The following PATE1 variants were observed in gnomAD, a reference collection of about 807,000 sequenced individuals.
PATE1 encodes the protein prostate and testis expressed 1.
In PATE1, 21 loss-of-function variants were observed where a neutral mutation model predicts 13.1. That is an observed-to-expected ratio of 1.61 (90% CI 1.14 to 2.31). The LOEUF is 2.31. Ranked by LOEUF, PATE1 falls within the 30% of genes most tolerant of loss-of-function variation. PATE1 has a pLI of 0.00. For synonymous variants in PATE1, 52 were observed against 47.1 expected (o/e 1.10, Z -0.43); for missense variants, 166 against 147.2 (o/e 1.13, Z -0.66).
At chr11:125,747,436 A>G (rs1356169060) in intron 3 of PATE1, 25 bp downstream of exon 3, 5 of 1,598,592 alleles carry the variant, frequency 3.1e-6, no homozygotes, top group Admixed American at 1.7e-5. Flanking sequence ...GACCTGTCTG[A>G]TCACCTCAGT....
Position 125,746,300 on chromosome 11 carries a change from C to G in PATE1, c.-5C>G. On this transcript the variant is annotated 5_prime_UTR_variant, in exon 1 of 5. Transcript: ENST00000305738. Reference sequence around the variant, plus strand: ...TGCTGTAGCCTGGCCCTCCCTCTTTCCAAAATGGACAAGTCCCTCTTGCTG... The same window carrying G: ...TGCTGTAGCCTGGCCCTCCCTCTTTGCAAAATGGACAAGTCCCTCTTGCTG... 3 of 1,613,840 alleles carry G rather than the reference C, an allele frequency of 1.9e-6. No individual in the cohort carries two copies. Among genetic ancestry groups the G allele is most frequent in the Non-Finnish European group, 2.5e-6 (3 of 1,179,768 alleles).
rs749602337 is a variant in PATE1, at chr11:125,746,649, T to C, written c.53-12T>C. ...GGTCTGCAGACAGTGTATCTCTTTTTTTTTCCAACAGCATTATCTGGATCA... is the reference window on the plus strand; with the variant it reads ...GGTCTGCAGACAGTGTATCTCTTTTCTTTTCCAACAGCATTATCTGGATCA... On this transcript the variant is annotated splice_polypyrimidine_tract_variant and intron_variant, in intron 1 of 4. Coordinates refer to ENST00000305738, the MANE Select transcript of PATE1 (RefSeq NM_138294.3). 2 of 1,613,798 alleles carry C rather than the reference T, an allele frequency of 1.2e-6. No homozygotes were observed. The highest frequency in any genetic ancestry group is 3.3e-5 in the Admixed American group (2 of 60,004).
chr11:125,747,144 T>G (rs533117926), intron 2 of PATE1, among the ~76,000 whole-genome samples: 4 of 152,052 alleles, frequency 2.6e-5, no homozygotes, highest in Non-Finnish European at 4.4e-5. Context: ...CTGCATCCTA[T>G]AGGAATGGGT....
chr11:125,746,790 A>G (rs1943276141), intron 2 of PATE1, 94 bp downstream of exon 2: 4 of 1,308,732 alleles, frequency 3.1e-6, no homozygotes, highest in Non-Finnish European at 4.4e-6. Context: ...AAAAAAAACC[A>G]AAATACGAAT....
intron 1 of PATE1, 88 bp downstream of exon 1, chr11:125,746,444 C>T (rs1202048653): frequency 5.5e-6 from 8 of 1,450,816 alleles, no homozygotes; most frequent in Non-Finnish European, 5.8e-6. Context: ...CATGGGAGTC[C>T]TATGGCAACT....
intron 2 of PATE1, 68 bp downstream of exon 2, chr11:125,746,764 G>T (rs1943275848): frequency 6.4e-7 from 1 of 1,571,418 alleles, no homozygotes; most frequent in Non-Finnish European, 8.8e-7. Context: ...GTGGGGTGAG[G>T]TGAGCACCAG....
chr11:125,747,777 A>G lies in PATE1; in HGVS notation c.202A>G (p.Thr68Ala). 1 of 1,613,972 alleles carries G rather than the reference A, an allele frequency of 6.2e-7. No individual in the cohort carries two copies. ...EKCSRGRGIC[T>A]ATTEEACMVG... ...GTGCTCCAGAGGAAGAGGAATATGC[A>G]CAGCAACAACAGAAGAGGCCTGCAT... is the stretch of plus-strand genomic sequence containing the variant. The change falls in exon 4 of 5, where the codon ACA (threonine) becomes GCA (alanine). Residue 68 changes from threonine (T) to alanine (A), a missense_variant. Physicochemically the swap from Thr to Ala is moderately conservative, Grantham distance 58 (BLOSUM62 0). Coordinates refer to ENST00000305738, the MANE Select transcript of PATE1 (RefSeq NM_138294.3).
At position 125,747,372 on chromosome 11, in the gene PATE1, A is replaced by G. The variant is rs775779064; in HGVS notation, c.89-4A>G. On this transcript the variant is annotated splice_polypyrimidine_tract_variant and splice_region_variant and intron_variant, in intron 2 of 4. Coordinates refer to ENST00000305738, the MANE Select transcript of PATE1 (RefSeq NM_138294.3). ...GATGTGTTTTCTTTCTCTTGCCAGT[A>G]CAGTCAATGAAATAGTTGCTGTGAA... The G allele has an allele frequency of 6.2e-7, 1 of 1,611,556 alleles. No individual in the cohort carries two copies. The highest frequency in any genetic ancestry group is 8.5e-7 in the Non-Finnish European group (1 of 1,179,496).
Position 125,747,774 on chromosome 11 carries a change from T to G in PATE1, c.199T>G (p.Cys67Gly). 6.2e-7 allele frequency: 1 copy of G among 1,613,920 alleles called. No homozygotes were observed. The highest frequency in any genetic ancestry group is 8.5e-7 in the Non-Finnish European group (1 of 1,179,856). ...GEKCSRGRGI[C>G]TATTEEACMV... ...AAAGTGCTCCAGAGGAAGAGGAATA[T>G]GCACAGCAACAACAGAAGAGGCCTG... The change falls in exon 4 of 5, where the codon TGC (cysteine) becomes GGC (glycine). Residue 67 changes from cysteine (C) to glycine (G), a missense_variant. Transcript: ENST00000305738.
chr11:125,748,675 T>C lies in PATE1; in HGVS notation c.323T>C (p.Val108Ala), dbSNP rs181711936. The change falls in exon 5 of 5, where the codon GTC becomes GCC. Residue 108 changes from valine (V) to alanine (A), a missense_variant. By Grantham distance (64) the Val-to-Ala change is moderately conservative (BLOSUM62 0). Transcript: ENST00000305738. ...GATGTGAAAGGCATAAGGTGGAGTG[T>C]CTATTTGGTGAACTTCAGGTGCTGC... ...CADVKGIRWS[V>A]YLVNFRCCRS... The C allele has an allele frequency of 1.2e-5, 19 of 1,613,924 alleles. No individual in the cohort carries two copies. Among genetic ancestry groups the C allele is most frequent in the Non-Finnish European group, 1.5e-5 (18 of 1,179,894 alleles).
intron 3 of PATE1, 86 bp downstream of exon 3, chr11:125,747,497 A>G (rs1943284085): frequency 4.1e-6 from 6 of 1,458,902 alleles, no homozygotes; most frequent in African/African-American, 1.4e-5. Flanking sequence ...TTCCCCTCCC[A>G]TTTTTCAGGC....
intron 3 of PATE1, 105 bp downstream of exon 3, chr11:125,747,516 C>T (rs1943284189): frequency 7.0e-7 from 1 of 1,436,266 alleles, no homozygotes; most frequent in Admixed American, 1.7e-5. Flanking sequence ...GCTAAAATTC[C>T]TGAGACCATA....
At position 125,746,340 on chromosome 11, in the gene PATE1, G is replaced by C; in HGVS notation, c.36G>C (p.Leu12=). Residue 12 remains leucine, a synonymous_variant, in exon 1 of 5, where the codon CTG becomes CTC. Transcript: ENST00000305738. ...DKSLLLELPI[L]LCCFRALSGS... is the part of the protein sequence containing the mutation. The stretch of plus-strand genomic sequence containing the variant: ...CCCTCTTGCTGGAACTCCCCATCCT[G>C]CTCTGCTGCTTTAGGGGTGAGTCCC... 4 of 1,613,870 alleles carry C rather than the reference G, an allele frequency of 2.5e-6. No individual in the cohort carries two copies. The highest frequency in any genetic ancestry group is 3.4e-6 in the Non-Finnish European group (4 of 1,179,864).
In PATE1 at chr11:125,746,325, G is replaced by A; in HGVS notation, c.21G>A (p.Leu7=). The A allele has an allele frequency of 6.2e-7, 1 of 1,613,904 alleles. No individual in the cohort carries two copies. Among genetic ancestry groups the A allele is most frequent in the South Asian group, 1.1e-5 (1 of 91,076 alleles). The change falls in exon 1 of 5, where the codon CTG becomes CTA. Residue 7 remains leucine, a synonymous_variant. Transcript: ENST00000305738. MDKSLL[L]ELPILLCCFR... ...CCAAAATGGACAAGTCCCTCTTGCT[G>A]GAACTCCCCATCCTGCTCTGCTGCT... is the stretch of plus-strand genomic sequence containing the variant.
chr11:125,748,894 C>T lies in PATE1; in HGVS notation c.*161C>T. ...TTCTGCACACGAAAGGAAAGTCCCTCTCCTTTTCTACAGTCTCTGTCACGC... is the reference window on the plus strand; with the variant it reads ...TTCTGCACACGAAAGGAAAGTCCCTTTCCTTTTCTACAGTCTCTGTCACGC... On this transcript the variant is annotated 3_prime_UTR_variant, in exon 5 of 5. Transcript: ENST00000305738. 3 of 825,652 alleles carry T rather than the reference C, an allele frequency of 3.6e-6. No individual in the cohort carries two copies. Among genetic ancestry groups the T allele is most frequent in the Non-Finnish European group, 5.5e-6 (3 of 549,450 alleles). 51.1% of individuals were successfully genotyped at this position (825,652 alleles called of 1,614,324 possible).
At position 125,748,842 on chromosome 11, in the gene PATE1, A is replaced by C; in HGVS notation, c.*109A>C. ...CACACACACACACACACACTACAGA[A>C]GAGGATTGCAAACACATGGCTCCAT... is the stretch of plus-strand genomic sequence containing the variant. On this transcript the variant is annotated 3_prime_UTR_variant, in exon 5 of 5. Coordinates refer to ENST00000305738, the MANE Select transcript of PATE1 (RefSeq NM_138294.3). 7.5e-7 allele frequency: 1 copy of C among 1,339,398 alleles called. No individual in the cohort carries two copies. The highest frequency in any genetic ancestry group is 2.4e-5 in the East Asian group (1 of 41,386). The allele number at this position is 1,339,398 out of a possible 1,614,324, so 83.0% of individuals were successfully genotyped here. A position where few individuals can be genotyped will look rare whatever the true frequency, so the allele number is the denominator to read the frequency against.
chr11:125,747,583 G>A (rs142961160), intron 3 of PATE1, 117 bp from the exon 4 acceptor site: 1 of 1,484,034 alleles, frequency 6.7e-7, no homozygotes. Context: ...GTTCACGCTT[G>A]ATGGGCTCTG....
At chr11:125,747,525 T>C in intron 3 of PATE1, 114 bp downstream of exon 3, 1 of 1,415,928 alleles carries the variant, frequency 7.1e-7, no homozygotes, top group South Asian at 1.2e-5. Flanking sequence ...CCTGAGACCA[T>C]AAACCTCAAT....
chr11:125,747,410 T>C lies in PATE1; in HGVS notation c.123T>C (p.Pro41=). The C allele has an allele frequency of 6.2e-7, 1 of 1,612,306 alleles. No individual in the cohort carries two copies. Among genetic ancestry groups the C allele is most frequent in the Non-Finnish European group, 8.5e-7 (1 of 1,179,022 alleles). Residue 41 remains proline, a splice_region_variant and synonymous_variant, in exon 3 of 5, where the codon CCT becomes CCC. Transcript: ENST00000305738. ...TAGTTGCTGTGAAAAACAATTTTCCTGGTAAGTATGAAGAGGACCTGTCTG... is the reference window on the plus strand; with the variant it reads ...TAGTTGCTGTGAAAAACAATTTTCCCGGTAAGTATGAAGAGGACCTGTCTG... ...NEIVAVKNNF[P]VIEIVQCRMC...
Sources: gnomAD v4.1 joint callset for allele counts (sites outside exome capture counted in the v4.1 genomes callset) on GRCh38, gnomAD v4.1.1 for gene constraint, MANE v1.5 for transcripts, NCBI Gene and HGNC (gene_info 2026-07-23, HGNC 2026-07-21) for gene names.